Variants in USP22 observed in about 807,000 individuals in gnomAD.
The protein encoded by USP22 is ubiquitin specific peptidase 22.
Under a neutral mutation model 68.1 loss-of-function variants are expected in USP22, and 22 were observed. The ratio of observed to expected loss-of-function variants is 0.32; its 90% confidence interval spans 0.23 to 0.46. USP22 has a LOEUF of 0.46. USP22 is among the 20% of genes least tolerant of loss of function. USP22 has a pLI of 1.00. For synonymous variants in USP22, 279 were observed against 274.2 expected (o/e 1.02, Z -0.17); for missense variants, 433 against 695.8 (o/e 0.62, Z 4.25).
At chr17:21,025,327 T>C (rs1165545041) in intron 2 of USP22, among the ~76,000 whole-genome samples, 3 of 152,170 alleles carry the variant, frequency 2.0e-5, no homozygotes, top group Non-Finnish European at 2.9e-5. Flanking sequence ...CACAATGAGA[T>C]ACCATTTCAC....
rs1597705135 is a variant in USP22 at position 21,042,704 on chromosome 17, G to A, written c.132C>T (p.Cys44=). The change falls in exon 1 of 13, where the codon TGC becomes TGT. Residue 44 remains cysteine, a synonymous_variant. Coordinates refer to ENST00000261497, the MANE Select transcript of USP22 (RefSeq NM_015276.2). ...CCTCAGCCGTGCCGCTCCACACGAA[G>A]CACTGGTAGATGGCCCGCAGGTTCT... ...WKQNLRAIYQ[C]FVWSGTAEAR... is the part of the protein sequence containing the mutation. 3 of 1,425,264 alleles carry A rather than the reference G, an allele frequency of 2.1e-6. No homozygotes were observed. Among genetic ancestry groups the A allele is most frequent in the East Asian group, 2.9e-5 (1 of 34,802 alleles). 88.3% of individuals were successfully genotyped at this position (1,425,264 alleles called of 1,614,324 possible). A position where few individuals can be genotyped will look rare whatever the true frequency, so the allele number is the denominator to read the frequency against.
intron 6 of USP22, 131 bp from the exon 7 acceptor site, chr17:21,013,066 C>A: frequency 1.5e-6 from 1 of 684,814 alleles, no homozygotes. Context: ...TGAGGACACT[C>A]CTCATTTTAG....
chr17:21,036,520 A>AG (rs576667414), intron 1 of USP22, among the ~76,000 whole-genome samples: 39,169 of 70,328 alleles, frequency 0.56, 11,032 homozygotes, highest in Non-Finnish European at 0.61. Flanking sequence ...CTGTACTGTA[A>AG]GGGGGGGGGG....
chr17:21,019,713 G>A (rs1972130595), intron 3 of USP22, among the ~76,000 whole-genome samples: 1 of 152,176 alleles, frequency 6.6e-6, no homozygotes, highest in African/African-American at 2.4e-5. Context: ...TCCATTCAAC[G>A]CACACCCTAT....
chr17:21,004,785 AGCCAATAGTGGAGCTGCG>A, intron 11 of USP22, 125 bp downstream of exon 11: 9 of 84,948 alleles, frequency 1.1e-4, no homozygotes, highest in South Asian at 4.9e-4. Context: ...AGCTGCGGGC[AGCCAATAGTGGAGCTGCG>A]GGCAGCCAAG....
chr17:21,017,009 C>T (rs1270333188), intron 5 of USP22, among the ~76,000 whole-genome samples: 7 of 152,200 alleles, frequency 4.6e-5, no homozygotes, highest in African/African-American at 9.7e-5. Context: ...GCTGCACCCT[C>T]CTTTCTCCTA....
In USP22 at chr17:21,042,809, G is replaced by A. The variant is rs763115307; in HGVS notation, c.27C>T (p.Gly9=). The A allele has an allele frequency of 2.1e-6, 3 of 1,454,316 alleles. No individual in the cohort carries two copies. The highest frequency in any genetic ancestry group is 4.5e-5 in the Admixed American group (2 of 44,236). The allele number at this position is 1,454,316 out of a possible 1,614,324, so 90.1% of individuals were successfully genotyped here. A position where few individuals can be genotyped will look rare whatever the true frequency, so the allele number is the denominator to read the frequency against. MVSRPEPE[G]EAMDAELAVA... is the part of the protein sequence containing the mutation. Reference sequence around the variant, plus strand: ...CCGCCAGCTCGGCGTCCATGGCCTCGCCCTCGGGCTCTGGCCGGGACACCA... The same window carrying A: ...CCGCCAGCTCGGCGTCCATGGCCTCACCCTCGGGCTCTGGCCGGGACACCA... Residue 9 remains glycine (G), a synonymous_variant, in exon 1 of 13, where the codon GGC becomes GGT. Coordinates refer to ENST00000261497, the MANE Select transcript of USP22 (RefSeq NM_015276.2).
chr17:21,021,388 GAGC>G (rs1232319219), intron 2 of USP22, among the ~76,000 whole-genome samples, 162 bp from the exon 3 acceptor site: 1 of 152,282 alleles, frequency 6.6e-6, no homozygotes, highest in East Asian at 1.9e-4. Context: ...CTCCTATCCT[GAGC>G]AGGTGAGGGG....
intron 8 of USP22, among the ~76,000 whole-genome samples, chr17:21,009,634 A>G (rs1410761062): frequency 2.0e-5 from 3 of 152,196 alleles, no homozygotes; most frequent in African/African-American, 7.2e-5. Context: ...GATTAAATTT[A>G]ATTTAGCTGC....
At chr17:21,034,408 T>C (rs1489568860) in intron 1 of USP22, among the ~76,000 whole-genome samples, 3 of 152,136 alleles carry the variant, frequency 2.0e-5, no homozygotes, top group Admixed American at 1.3e-4. Context: ...GTATGAAATA[T>C]AAAATATCAC....
At chr17:21,005,217 G>A (rs1030309783) in intron 10 of USP22, 4 of 549,672 alleles carry the variant, frequency 7.3e-6, no homozygotes, top group Non-Finnish European at 1.3e-5. Flanking sequence ...ACCTGGCGTG[G>A]CCCCTGGTTC....
chr17:21,036,963 G>C (rs1022042254), intron 1 of USP22, among the ~76,000 whole-genome samples: 1 of 152,108 alleles, frequency 6.6e-6, no homozygotes, highest in Non-Finnish European at 1.5e-5. Flanking sequence ...CTAAGGCTGG[G>C]GCAGAAAACA....
chr17:21,006,805 C>A, intron 10 of USP22, 91 bp downstream of exon 10: 1 of 1,115,338 alleles, frequency 9.0e-7, no homozygotes, highest in Non-Finnish European at 1.2e-6. Context: ...ACCCGGCCAA[C>A]AGTCATCTTA....
chr17:21,017,986 G>C lies in USP22; in HGVS notation c.646C>G (p.Pro216Ala), dbSNP rs1385334862. ...ATCTCACAGACCAGACAGGAGCTGG[G>C]GCTCTGCATCTCACAGCGGTGCCTG... ...SDRHRCEMQS[P>A]SSCLVCEMSS... Residue 216 changes from proline to alanine, a missense_variant, in exon 5 of 13, where the codon CCC becomes GCC. Pro to Ala is a conservative substitution (Grantham distance 27). Transcript: ENST00000261497. 30 of 1,614,166 alleles carry C rather than the reference G, an allele frequency of 1.9e-5. No homozygotes were observed. The highest frequency in any genetic ancestry group is 2.5e-5 in the Non-Finnish European group (30 of 1,180,046).
chr17:21,038,645 G>C (rs970223168), intron 1 of USP22, among the ~76,000 whole-genome samples: 24 of 149,686 alleles, frequency 1.6e-4, no homozygotes, highest in Admixed American at 9.3e-4. Flanking sequence ...TCCAGCCTGA[G>C]TGAGAGACAG....
intron 8 of USP22, among the ~76,000 whole-genome samples, chr17:21,010,400 T>C (rs1913919054): frequency 6.6e-6 from 1 of 152,102 alleles, no homozygotes; most frequent in South Asian, 2.1e-4. Context: ...TAAAAATCAC[T>C]CACAGGTGTG....
At chr17:21,029,684 A>G (rs1597699312) in intron 1 of USP22, among the ~76,000 whole-genome samples, 2 of 152,376 alleles carry the variant, frequency 1.3e-5, no homozygotes, top group Admixed American at 1.3e-4. Flanking sequence ...CATATACACA[A>G]TGGAATATTA....
At position 21,004,188 on chromosome 17, in the gene USP22, C is replaced by T; in HGVS notation, c.1535+14G>A. ...AGCCACCGTAGGGCCTTCCTCCCAC[C>T]CCACAGGACGCACCCTTCGCTGTCC... On this transcript the variant is annotated intron_variant, in intron 12 of 12. Coordinates refer to ENST00000261497, the MANE Select transcript of USP22 (RefSeq NM_015276.2). 1.2e-6 allele frequency: 2 copies of T among 1,612,224 alleles called. No homozygotes were observed. Among genetic ancestry groups the T allele is most frequent in the South Asian group, 1.1e-5 (1 of 91,016 alleles).
At position 21,042,902 on chromosome 17, in the gene USP22, G is replaced by A; in HGVS notation, c.-67C>T. 9.1e-7 allele frequency: 1 copy of A among 1,094,038 alleles called. No homozygotes were observed. Among genetic ancestry groups the A allele is most frequent in the Non-Finnish European group, 1.2e-6 (1 of 867,820 alleles). 67.8% of individuals were successfully genotyped at this position (1,094,038 alleles called of 1,614,324 possible). Reference sequence around the variant, plus strand: ...GAGGCGAGGACGACGCCAGCGCGGCGTGGGGGCTGCTCGGCGGCTGGCCAG... The same window carrying A: ...GAGGCGAGGACGACGCCAGCGCGGCATGGGGGCTGCTCGGCGGCTGGCCAG... On this transcript the variant is annotated 5_prime_UTR_variant, in exon 1 of 13. It adds an upstream start codon to the 5' untranslated region. Coordinates refer to ENST00000261497, the MANE Select transcript of USP22 (RefSeq NM_015276.2).
Sources: gnomAD v4.1 joint callset for allele counts (sites outside exome capture counted in the v4.1 genomes callset) on GRCh38, gnomAD v4.1.1 for gene constraint, MANE v1.5 for transcripts, NCBI Gene and HGNC (gene_info 2026-07-23, HGNC 2026-07-21) for gene names.